KIAA0825: variants seen among roughly 807,000 people sequenced by gnomAD.
KIAA0825 encodes the protein KIAA0825.
KIAA0825 carries 119 observed loss-of-function variants against 147.6 expected under a neutral mutation model. The ratio of observed to expected loss-of-function variants is 0.81; its 90% CI spans 0.69 to 0.94. The LOEUF is 0.94. Among genes scored for constraint, KIAA0825 ranks in the 40% least tolerant of loss-of-function variants. The pLI, the probability that KIAA0825 is intolerant of heterozygous loss-of-function variation, is 0.00. For missense variants in KIAA0825, 1,381 were observed against 1,472.7 expected, an observed-to-expected ratio of 0.94 and a Z score of 1.02; for synonymous variants, 470 against 518.1, an observed-to-expected ratio of 0.91 and a Z score of 1.26.
At chr5:94,324,704 A>G (rs956462815) in intron 20 of KIAA0825, among the ~76,000 whole-genome samples, 1 of 151,964 alleles carries the variant, frequency 6.6e-6, no homozygotes, top group Admixed American at 6.6e-5. Flanking sequence ...AACACCAATG[A>G]AAGTCAAATT....
chr5:94,337,277 G>A (rs752166481), intron 20 of KIAA0825, among the ~76,000 whole-genome samples: 6 of 152,138 alleles, frequency 3.9e-5, no homozygotes, highest in South Asian at 2.1e-4. Flanking sequence ...AGAATTCAGC[G>A]TATTGGTATG....
chr5:94,524,169 C>A, intron 3 of KIAA0825, 71 bp from the exon 4 acceptor site: 1 of 948,010 alleles, frequency 1.1e-6, no homozygotes, highest in Non-Finnish European at 1.5e-6. Flanking sequence ...ATATCACAGG[C>A]CCTGAAATCT....
At chr5:94,591,646 G>A (rs552073894) in intron 1 of KIAA0825, among the ~76,000 whole-genome samples, 7 of 152,260 alleles carry the variant, frequency 4.6e-5, no homozygotes, top group East Asian at 1.9e-4. Flanking sequence ...AATGCATAGC[G>A]AAGGACTACT....
intron 20 of KIAA0825, among the ~76,000 whole-genome samples, chr5:94,348,983 T>C (rs1783325520): frequency 6.6e-6 from 1 of 152,094 alleles, no homozygotes; most frequent in Admixed American, 6.5e-5. Flanking sequence ...ACCTAAATGC[T>C]CCATTTAAAA....
At chr5:94,540,057 A>G (rs1293441872) in intron 2 of KIAA0825, among the ~76,000 whole-genome samples, 4 of 152,096 alleles carry the variant, frequency 2.6e-5, no homozygotes, top group Non-Finnish European at 5.9e-5. Flanking sequence ...CTTTTGAACA[A>G]TGGATAGGTC....
intron 20 of KIAA0825, among the ~76,000 whole-genome samples, chr5:94,255,405 T>G (rs1776192833): frequency 6.6e-6 from 1 of 151,802 alleles, no homozygotes; most frequent in Admixed American, 6.6e-5. Context: ...ATGCTTTCGA[T>G]GAGGAAAATG....
chr5:94,513,308 G>T (rs534529035), intron 5 of KIAA0825, among the ~76,000 whole-genome samples: 11 of 152,128 alleles, frequency 7.2e-5, no homozygotes, highest in African/African-American at 2.4e-4. Context: ...GGCTAAGATG[G>T]TATATAAATC....
intron 20 of KIAA0825, among the ~76,000 whole-genome samples, chr5:94,286,261 G>T (rs1018762169): frequency 6.6e-6 from 1 of 152,168 alleles, no homozygotes; most frequent in African/African-American, 2.4e-5. Flanking sequence ...AACAGTATGT[G>T]TGTGTTTAAC....
chr5:94,181,305 G>A (rs891534675), intron 20 of KIAA0825, among the ~76,000 whole-genome samples: 2 of 152,322 alleles, frequency 1.3e-5, no homozygotes, highest in East Asian at 3.9e-4. Flanking sequence ...TAAAGCAAGA[G>A]ATTTGGTATT....
chr5:94,412,106 C>A (rs1017219842), intron 15 of KIAA0825, among the ~76,000 whole-genome samples: 1 of 151,936 alleles, frequency 6.6e-6, no homozygotes, highest in Non-Finnish European at 1.5e-5. Context: ...TATAAAGAAC[C>A]CTTTACAACT....
At chr5:94,210,765 A>G (rs1772635861) in intron 20 of KIAA0825, among the ~76,000 whole-genome samples, 1 of 152,198 alleles carries the variant, frequency 6.6e-6, no homozygotes, top group Non-Finnish European at 1.5e-5. Context: ...TTAAATACAG[A>G]GATGCAATAG....
chr5:94,461,544 C>G (rs1293970566), intron 12 of KIAA0825, among the ~76,000 whole-genome samples: 1 of 151,906 alleles, frequency 6.6e-6, no homozygotes. Flanking sequence ...CTAGAAGGAA[C>G]ATTCTGTAAA....
intron 5 of KIAA0825, among the ~76,000 whole-genome samples, chr5:94,499,721 G>C (rs1764840723): frequency 6.6e-6 from 1 of 151,806 alleles, no homozygotes; most frequent in Non-Finnish European, 1.5e-5. Context: ...TAAACTTCCA[G>C]ATAGTGATTT....
At chr5:94,285,743 G>A (rs1425738589) in intron 20 of KIAA0825, among the ~76,000 whole-genome samples, 1 of 152,064 alleles carries the variant, frequency 6.6e-6, no homozygotes, top group East Asian at 1.9e-4. Context: ...AGTCCATTAG[G>A]TAATGACTAG....
chr5:94,427,178 T>C (rs1755002968), intron 14 of KIAA0825, among the ~76,000 whole-genome samples: 1 of 152,228 alleles, frequency 6.6e-6, no homozygotes, highest in Non-Finnish European at 1.5e-5. Flanking sequence ...TATAAGTAGG[T>C]GTCAGCTTTT....
At chr5:94,299,730 G>A (rs974239350) in intron 20 of KIAA0825, among the ~76,000 whole-genome samples, 2 of 152,090 alleles carry the variant, frequency 1.3e-5, no homozygotes. Flanking sequence ...TGGCTTTTGG[G>A]AGCTTAAGTA....
intron 2 of KIAA0825, among the ~76,000 whole-genome samples, chr5:94,551,250 G>C (rs2152255507): frequency 6.6e-6 from 1 of 152,016 alleles, no homozygotes; most frequent in South Asian, 2.1e-4. Flanking sequence ...CACATTATGG[G>C]AGTTCCAGAA....
intron 20 of KIAA0825, among the ~76,000 whole-genome samples, chr5:94,283,656 AATTT>A (rs1480721470): frequency 4.6e-5 from 7 of 152,256 alleles, no homozygotes; most frequent in Admixed American, 6.5e-5. Context: ...CATTTTAAAA[AATTT>A]ATTTGTTATT....
At chr5:94,319,440 T>A (rs1315638308) in intron 20 of KIAA0825, among the ~76,000 whole-genome samples, 2 of 151,894 alleles carry the variant, frequency 1.3e-5, no homozygotes, top group Non-Finnish European at 2.9e-5. Flanking sequence ...CATATTACTA[T>A]GTCCATCTCC....
Sources: allele counts gnomAD v4.1 joint callset (sites outside exome capture counted in the v4.1 genomes callset), GRCh38; gene constraint gnomAD v4.1.1; transcripts MANE v1.5; gene names NCBI Gene and HGNC (gene_info 2026-07-23, HGNC 2026-07-21).